The following ATP2B1 variants were observed in gnomAD, a reference collection of about 807,000 sequenced individuals.
ATP2B1 encodes ATPase plasma membrane Ca2+ transporting 1.
ATP2B1 carries 14 observed loss-of-function variants against 124.2 expected under a neutral mutation model. The observed-to-expected ratio is 0.11, with a 90% CI of 0.07 to 0.18. The LOEUF (loss-of-function observed/expected upper bound fraction) is 0.18, where lower values mean the gene tolerates loss of function less well. Among genes scored for constraint, ATP2B1 ranks in the 10% least tolerant of loss-of-function variants. The pLI is 1.00. For missense variants in ATP2B1, 763 were observed against 1,466.1 expected (o/e 0.52, Z 7.83); for synonymous variants, 449 against 492.4 (o/e 0.91, Z 1.17).
intron 12 of ATP2B1, chr12:89,612,173 G>A (rs1878135077): frequency 6.6e-6 from 1 of 152,060 alleles, no homozygotes; most frequent in African/African-American, 2.4e-5. Context: ...ATACTTGATG[G>A]TAGAGTTTTT....
intron 20 of ATP2B1, chr12:89,594,778 T>A (rs1874260789): frequency 6.6e-6 from 1 of 151,958 alleles, no homozygotes; most frequent in Non-Finnish European, 1.5e-5. Flanking sequence ...CATCCTAACT[T>A]TTAATAGCAG....
intron 13 of ATP2B1, chr12:89,610,800 A>C: frequency 2.7e-6 from 1 of 365,026 alleles, no homozygotes; most frequent in South Asian, 5.2e-5. Context: ...AAATTTAAAA[A>C]ATCCCCCTAC....
At chr12:89,653,105 C>CA (rs1157278934) in intron 2 of ATP2B1, among the ~76,000 whole-genome samples, 18 of 151,480 alleles carry the variant, frequency 1.2e-4, no homozygotes, top group African/African-American at 2.4e-4. Flanking sequence ...TAAAATATTT[C>CA]AAAAAAACAA....
intron 15 of ATP2B1, 150 bp from the exon 16 acceptor site, chr12:89,604,496 C>T (rs1406830197): frequency 1.2e-5 from 7 of 584,614 alleles, no homozygotes; most frequent in Non-Finnish European, 2.0e-5. Flanking sequence ...CAGAGTTATT[C>T]TAAGATATTA....
intron 12 of ATP2B1, among the ~76,000 whole-genome samples, chr12:89,616,577 T>C (rs1399174287): frequency 1.3e-5 from 2 of 152,164 alleles, no homozygotes; most frequent in African/African-American, 4.8e-5. Flanking sequence ...TGTGCTAGGT[T>C]ATGGTGCTAT....
intron 2 of ATP2B1, among the ~76,000 whole-genome samples, chr12:89,646,768 A>G (rs1396129163): frequency 2.6e-5 from 4 of 152,224 alleles, no homozygotes; most frequent in Admixed American, 1.3e-4. Context: ...AACTTTTTCC[A>G]AGAGTGTGAT....
chr12:89,675,141 A>C (rs1015693628), intron 1 of ATP2B1, among the ~76,000 whole-genome samples: 9 of 152,208 alleles, frequency 5.9e-5, no homozygotes, highest in Admixed American at 1.3e-4. Context: ...ATTATCATCA[A>C]TATTTAATAA....
chr12:89,602,948 C>G, intron 18 of ATP2B1, 95 bp downstream of exon 18: 1 of 1,101,202 alleles, frequency 9.1e-7, no homozygotes, highest in East Asian at 2.4e-5. Flanking sequence ...AACAGTTCCA[C>G]ACATGTTCCA....
intron 1 of ATP2B1, among the ~76,000 whole-genome samples, chr12:89,698,838 T>C (rs965843405): frequency 4.6e-5 from 7 of 152,136 alleles, no homozygotes; most frequent in African/African-American, 1.7e-4. Context: ...GCCAGAATTC[T>C]GAAAGCTGGG....
chr12:89,627,824 T>C (rs1285410543), intron 6 of ATP2B1, 108 bp from the exon 7 acceptor site: 11 of 1,204,126 alleles, frequency 9.1e-6, no homozygotes, highest in Non-Finnish European at 1.1e-5. Context: ...CACAATGGTG[T>C]GTGTGTCTAC....
intron 7 of ATP2B1, 99 bp downstream of exon 7, chr12:89,627,579 C>T: frequency 1.5e-6 from 2 of 1,363,858 alleles, no homozygotes; most frequent in Non-Finnish European, 2.1e-6. Flanking sequence ...GTTGATTTTC[C>T]CTGCCACATG....
chr12:89,637,629 C>T (rs551376894), intron 3 of ATP2B1, among the ~76,000 whole-genome samples: 1 of 152,024 alleles, frequency 6.6e-6, no homozygotes, highest in Non-Finnish European at 1.5e-5. Flanking sequence ...GAACTCCTGG[C>T]CTCAAGCAAT....
At chr12:89,685,207 T>TA (rs35217526) in intron 1 of ATP2B1, among the ~76,000 whole-genome samples, 142,330 of 152,168 alleles carry the variant, frequency 0.94, 66,744 homozygotes, top group East Asian at 0.99. Flanking sequence ...TTAAGTTCCT[T>TA]ATAATAAAGC....
intron 1 of ATP2B1, among the ~76,000 whole-genome samples, chr12:89,677,969 T>TACACACACACACAC (rs1207955529): frequency 1.7e-5 from 1 of 59,536 alleles, no homozygotes; most frequent in Non-Finnish European, 3.5e-5. Flanking sequence ...TATATATATA[T>TACACACACACACAC]ATACACACAC....
At chr12:89,630,419 C>A in intron 6 of ATP2B1, 86 bp downstream of exon 6, 1 of 1,194,772 alleles carries the variant, frequency 8.4e-7, no homozygotes, top group Non-Finnish European at 1.1e-6. Context: ...ATTTTTCATA[C>A]CAGAATCTCT....
intron 1 of ATP2B1, among the ~76,000 whole-genome samples, chr12:89,694,388 T>A (rs1890882282): frequency 6.6e-6 from 1 of 152,152 alleles, no homozygotes; most frequent in African/African-American, 2.4e-5. Flanking sequence ...GATTAAACTA[T>A]AATCTCTCAA....
At chr12:89,705,036 G>A (rs1355332253) in intron 1 of ATP2B1, among the ~76,000 whole-genome samples, 2 of 152,060 alleles carry the variant, frequency 1.3e-5, no homozygotes, top group Non-Finnish European at 2.9e-5. Context: ...ACGAGAGTTG[G>A]TAATTGTCAA....
intron 2 of ATP2B1, among the ~76,000 whole-genome samples, chr12:89,645,998 G>A (rs1884395197): frequency 6.6e-6 from 1 of 152,160 alleles, no homozygotes; most frequent in South Asian, 2.1e-4. Context: ...GGCAGAAGGG[G>A]ATAAGTGGAT....
In ATP2B1 at chr12:89,611,384, T is replaced by TAAAA; in HGVS notation, c.2068-16_2068-13dup. 1 of 1,192,550 alleles carries TAAAA rather than the reference T, an allele frequency of 8.4e-7. No homozygotes were observed. Among genetic ancestry groups the TAAAA allele is most frequent in the South Asian group, 1.7e-5 (1 of 57,546 alleles). The allele number at this position is 1,192,550 out of a possible 1,614,324, so 73.9% of individuals were successfully genotyped here. A position where few individuals can be genotyped will look rare whatever the true frequency, so the allele number is the denominator to read the frequency against. On this transcript the variant is annotated splice_polypyrimidine_tract_variant and intron_variant, in intron 12 of 20. Coordinates refer to ENST00000428670, the MANE Select transcript of ATP2B1 (RefSeq NM_001366521.1). ...ATTGCATCTGGCACCTGGTTTACATTAAAAAAAAAAATTACAAAGTTAATT... is the reference window on the plus strand; with the variant it reads ...ATTGCATCTGGCACCTGGTTTACATTAAAAAAAAAAAAAAATTACAAAGTTAATT...
Sources: allele counts gnomAD v4.1 joint callset (sites outside exome capture counted in the v4.1 genomes callset), GRCh38; gene constraint gnomAD v4.1.1; transcripts MANE v1.5; gene names NCBI Gene and HGNC (gene_info 2026-07-23, HGNC 2026-07-21).